RALB: variants seen among roughly 807,000 people sequenced by gnomAD.
RALB encodes RAS like proto-oncogene B.
In RALB, 16 loss-of-function variants were observed where a neutral mutation model predicts 21.3. The ratio of observed to expected loss-of-function variants is 0.75; its 90% confidence interval spans 0.51 to 1.14. RALB has a LOEUF of 1.14. Among genes scored for constraint, RALB ranks in the 50% most tolerant of loss-of-function variants. The pLI is 0.00. For synonymous variants in RALB, 93 were observed against 96.1 expected (o/e 0.97, Z 0.19); for missense variants, 161 against 256.2 (o/e 0.63, Z 2.54).
intron 1 of RALB, among the ~76,000 whole-genome samples, chr2:120,276,938 A>G (rs546082133): frequency 1.3e-5 from 2 of 152,282 alleles, no homozygotes; most frequent in Non-Finnish European, 2.9e-5. Context: ...CCTGCCCTTT[A>G]TTCTTGTGTT....
chr2:120,275,740 ACT>A (rs1558952747), intron 1 of RALB, among the ~76,000 whole-genome samples: 1 of 151,964 alleles, frequency 6.6e-6, no homozygotes, highest in African/African-American at 2.4e-5. Context: ...TAGAATGAAC[ACT>A]CTCGTAAAGT....
intron 3 of RALB, among the ~76,000 whole-genome samples, chr2:120,289,083 G>A (rs2104662946): frequency 6.6e-6 from 1 of 152,220 alleles, no homozygotes; most frequent in Admixed American, 6.5e-5. Context: ...CACTAGATTG[G>A]TTTTGTGATC....
intron 1 of RALB, chr2:120,253,749 A>G: frequency 1.0e-6 from 1 of 979,794 alleles, no homozygotes; most frequent in Non-Finnish European, 1.2e-6. Context: ...TTCGGGAGAG[A>G]AGTGCTTGTG....
At chr2:120,283,146 T>C (rs960015937) in intron 2 of RALB, among the ~76,000 whole-genome samples, 5 of 152,138 alleles carry the variant, frequency 3.3e-5, no homozygotes, top group Non-Finnish European at 5.9e-5. Context: ...GATCATCTAG[T>C]CAGGAAATTG....
rs530812869 is a variant in RALB at position 120,240,141 on chromosome 2, C to T, written c.19+16C>T. 1.6e-4 allele frequency: 203 copies of T among 1,289,650 alleles called. No homozygotes were observed. In the African/African-American group the frequency reaches 2.6e-3, roughly 17 times the overall value. 79.9% of individuals were successfully genotyped at this position (1,289,650 alleles called of 1,614,324 possible). A position where few individuals can be genotyped will look rare whatever the true frequency, so the allele number is the denominator to read the frequency against. On this transcript the variant is annotated intron_variant, in intron 1 of 3. Coordinates refer to the RALB transcript ENST00000447591. ...CGGCAGTCAGGTGGGTGCCCGCCCT[C>T]GGTGTGGATTGCACTTCGAAGCCCC...
rs578176092 is a variant in RALB, at chr2:120,293,363, C to T, written c.*103C>T. ...TCTTGCTTGTGCTTCCCACTCTCCCCGACTTCATTCACTCAAACTTCTTTA... is the reference window on the plus strand; with the variant it reads ...TCTTGCTTGTGCTTCCCACTCTCCCTGACTTCATTCACTCAAACTTCTTTA... On this transcript the variant is annotated 3_prime_UTR_variant, in exon 5 of 5. Coordinates refer to ENST00000272519, the MANE Select transcript of RALB (RefSeq NM_002881.3). 8.3e-5 allele frequency: 102 copies of T among 1,228,422 alleles called. No homozygotes were observed. Among genetic ancestry groups the T allele is most frequent in the South Asian group, 1.2e-4 (6 of 48,106 alleles). 76.1% of individuals were successfully genotyped at this position (1,228,422 alleles called of 1,614,324 possible).
At chr2:120,244,652 C>G (rs1340751644) in intron 1 of RALB, among the ~76,000 whole-genome samples, 8 of 152,218 alleles carry the variant, frequency 5.3e-5, no homozygotes, top group Non-Finnish European at 1.2e-4. Context: ...ATTTATCTGT[C>G]CATCCGTCCA....
intron 3 of RALB, 112 bp from the exon 4 acceptor site, chr2:120,289,468 A>T (rs1004719889): frequency 1.1e-6 from 1 of 885,416 alleles, no homozygotes; most frequent in Non-Finnish European, 1.7e-6. Flanking sequence ...AAATCTAGTG[A>T]TTTTTTTTTT....
At chr2:120,270,762 T>A (rs1006264450) in intron 1 of RALB, among the ~76,000 whole-genome samples, 1 of 152,174 alleles carries the variant, frequency 6.6e-6, no homozygotes, top group Non-Finnish European at 1.5e-5. Flanking sequence ...CCTTCTCCCT[T>A]GTTTATTTAA....
upstream of RALB, among the ~76,000 whole-genome samples, chr2:120,249,996 T>C (rs1455867032): frequency 6.6e-6 from 1 of 152,214 alleles, no homozygotes; most frequent in Admixed American, 6.5e-5. Flanking sequence ...CCTACCCCCA[T>C]CTTTTGCTAA....
intron 3 of RALB, among the ~76,000 whole-genome samples, chr2:120,286,565 G>A (rs755798330): frequency 1.3e-5 from 2 of 152,236 alleles, no homozygotes; most frequent in Admixed American, 1.3e-4. Context: ...GTGGAGGGAC[G>A]AGAACGCGGC....
chr2:120,265,703 C>T (rs894858792), intron 1 of RALB, among the ~76,000 whole-genome samples: 3 of 152,158 alleles, frequency 2.0e-5, no homozygotes, highest in African/African-American at 7.2e-5. Flanking sequence ...CCCTGCCATC[C>T]GCTAGTTAAG....
intron 1 of RALB, chr2:120,253,319 C>T (rs981508606): frequency 1.7e-5 from 15 of 897,838 alleles, no homozygotes; most frequent in African/African-American, 1.8e-5. Flanking sequence ...GGACCGTCCA[C>T]TTCCTCAGTC....
chr2:120,263,484 G>A (rs1357085221), intron 1 of RALB, among the ~76,000 whole-genome samples: 2 of 152,228 alleles, frequency 1.3e-5, no homozygotes, highest in Non-Finnish European at 2.9e-5. Flanking sequence ...AAGCAGCTAA[G>A]TGCTTACTGA....
chr2:120,285,750 G>C, intron 2 of RALB, 124 bp from the exon 3 acceptor site: 1 of 736,342 alleles, frequency 1.4e-6, no homozygotes. Flanking sequence ...GAAGTGTTAC[G>C]TAAAATGTTG....
At chr2:120,256,944 A>G (rs1169195086) in intron 1 of RALB, among the ~76,000 whole-genome samples, 1 of 152,240 alleles carries the variant, frequency 6.6e-6, no homozygotes, top group Non-Finnish European at 1.5e-5. Flanking sequence ...AGGAGATGGA[A>G]AGACAGCTGA....
At chr2:120,275,961 C>G (rs1689782711) in intron 1 of RALB, among the ~76,000 whole-genome samples, 1 of 152,136 alleles carries the variant, frequency 6.6e-6, no homozygotes, top group South Asian at 2.1e-4. Context: ...AGTGGGGAGG[C>G]AGTATCTGAT....
Position 120,294,068 on chromosome 2 carries a change from C to T in RALB, c.*808C>T. ...TTTTTAAGTTCTTTGGCTAAGTCCT[C>T]TCCTAACTGCCTGTCCTCTGGTTAG... On this transcript the variant is annotated 3_prime_UTR_variant, in exon 5 of 5. Transcript: ENST00000272519. 2.5e-6 allele frequency: 1 copy of T among 398,286 alleles called. No individual in the cohort carries two copies. Among genetic ancestry groups the T allele is most frequent in the Non-Finnish European group, 4.4e-6 (1 of 225,996 alleles). 24.7% of individuals were successfully genotyped at this position (398,286 alleles called of 1,614,324 possible). A position where few individuals can be genotyped will look rare whatever the true frequency, so the allele number is the denominator to read the frequency against.
rs1342991457 is a variant in RALB, at chr2:120,269,477, CTGCTGATTGGTCCATTTTACAGAG to C, written c.-47-9121_-47-9098del. On this transcript the variant is annotated intron_variant, in intron 1 of 4. Coordinates refer to ENST00000272519, the MANE Select transcript of RALB (RefSeq NM_002881.3). ...TCCCTTATTTGGCCACACCCATGTC[CTGCTGATTGGTCCATTTTACAGAG>C]TGCTGATTGGTCCATTTTAGAGAGC... Among the ~76,000 whole-genome samples the C allele has an allele frequency of 3.9e-4, 57 of 146,440 alleles. No homozygotes were observed. In the South Asian group the frequency reaches 6.5e-3, roughly 17 times the overall value.
Sources: allele counts gnomAD v4.1 joint callset (sites outside exome capture counted in the v4.1 genomes callset), GRCh38; gene constraint gnomAD v4.1.1; transcripts MANE v1.5; gene names NCBI Gene and HGNC (gene_info 2026-07-23, HGNC 2026-07-21).